PCLO: variants seen among roughly 807,000 people sequenced by gnomAD.
The protein encoded by PCLO is protein piccolo.
Under a neutral mutation model 427.5 loss-of-function variants are expected in PCLO, and 82 were observed. The ratio of observed to expected loss-of-function variants is 0.19; its 90% confidence interval spans 0.16 to 0.23. The LOEUF is 0.23. Among genes scored for constraint, PCLO ranks in the 10% least tolerant of loss-of-function variants. The pLI, the probability that PCLO is intolerant of heterozygous loss-of-function variation, is 1.00. For synonymous variants in PCLO, 2,357 were observed against 2,155.4 expected, an observed-to-expected ratio of 1.09 and a Z score of -2.59; for missense variants, 6,239 against 6,115.9, an observed-to-expected ratio of 1.02 and a Z score of -0.67.
chr7:82,956,174 C>A lies in PCLO; in HGVS notation c.4779G>T (p.Lys1593Asn). ...TGCCTTTTCCCTTTGTTTCTTCCTT[C>A]TTCTGGCTCTCAGTACTGCTACTAA... ...KEISSSTESQKKEETKGKGKI... is the reference protein window; with the variant it reads ...KEISSSTESQNKEETKGKGKI... The change falls in exon 5 of 25, where the codon AAG becomes AAT. Residue 1593 changes from lysine (K) to asparagine (N), a missense_variant. Physicochemically the swap from Lys to Asn is moderately conservative, Grantham distance 94 (BLOSUM62 0). Transcript: ENST00000333891. 6.2e-7 allele frequency: 1 copy of A among 1,609,162 alleles called. No individual in the cohort carries two copies. Among genetic ancestry groups the A allele is most frequent in the Non-Finnish European group, 8.5e-7 (1 of 1,179,850 alleles).
chr7:82,793,930 G>A (rs1414461468), intron 22 of PCLO, among the ~76,000 whole-genome samples: 1 of 152,140 alleles, frequency 6.6e-6, no homozygotes, highest in Non-Finnish European at 1.5e-5. Flanking sequence ...AAAGTAAAAT[G>A]TTTGTACTTA....
At chr7:83,154,681 T>TTTA in intron 2 of PCLO, 67 bp downstream of exon 2, 1 of 1,141,250 alleles carries the variant, frequency 8.8e-7, no homozygotes, top group Non-Finnish European at 1.3e-6. Flanking sequence ...TGTGTTTAGT[T>TTTA]AAGCATCATT....
intron 3 of PCLO, among the ~76,000 whole-genome samples, chr7:83,069,273 C>A (rs545209978): frequency 6.6e-6 from 1 of 152,026 alleles, no homozygotes; most frequent in Non-Finnish European, 1.5e-5. Context: ...GCAGAACTGG[C>A]GTATAATATG....
chr7:82,901,806 A>C (rs145097236), intron 9 of PCLO, among the ~76,000 whole-genome samples: 5,980 of 152,150 alleles, frequency 0.039, 400 homozygotes, highest in African/African-American at 0.14. Context: ...ATTTATGCAG[A>C]CAAAAGACAG....
Position 82,953,282 on chromosome 7 carries a change from A to T in PCLO, c.7671T>A (p.Pro2557=). ...TGGAGTGTGGGGAAAGTGGGGAGGT[A>T]GGGGAAGGCAATTTATAATCTGCTG... The part of the protein sequence containing the change: ...VTSADYKLPS[P]TSPLSPHSNK... Residue 2557 remains proline, a synonymous_variant, in exon 5 of 25, where the codon CCT becomes CCA. Transcript: ENST00000333891. 6.2e-7 allele frequency: 1 copy of T among 1,613,736 alleles called. No homozygotes were observed. Among genetic ancestry groups the T allele is most frequent in the Non-Finnish European group, 8.5e-7 (1 of 1,179,832 alleles).
At chr7:82,998,619 T>C (rs922883744) in intron 3 of PCLO, among the ~76,000 whole-genome samples, 1 of 152,018 alleles carries the variant, frequency 6.6e-6, no homozygotes, top group East Asian at 1.9e-4. Context: ...ACATGAAATT[T>C]ACAGTCCAGA....
At chr7:82,951,769 A>C in intron 5 of PCLO, 87 bp downstream of exon 5, 2 of 1,496,504 alleles carry the variant, frequency 1.3e-6, no homozygotes, top group Middle Eastern at 2.5e-4. Flanking sequence ...ACAAAACTGG[A>C]AAAGAAGCCA....
At chr7:82,796,203 A>C (rs1005980414) in intron 22 of PCLO, among the ~76,000 whole-genome samples, 1 of 152,170 alleles carries the variant, frequency 6.6e-6, no homozygotes, top group African/African-American at 2.4e-5. Flanking sequence ...TTTAAAAAAT[A>C]TTTCAATAAT....
At chr7:83,108,041 T>G (rs1258419958) in intron 3 of PCLO, among the ~76,000 whole-genome samples, 1 of 148,554 alleles carries the variant, frequency 6.7e-6, no homozygotes, top group Admixed American at 6.7e-5. Context: ...AACTCTAAAG[T>G]TTCAAATTAT....
intron 3 of PCLO, among the ~76,000 whole-genome samples, chr7:83,031,730 CT>C (rs1238682737): frequency 4.6e-5 from 7 of 151,498 alleles, no homozygotes; most frequent in East Asian, 1.9e-4. Flanking sequence ...CTCTCTCTCT[CT>C]CTCCCTCCCC....
chr7:82,810,691 CATT>C (rs1467756943), intron 20 of PCLO, among the ~76,000 whole-genome samples: 1 of 151,692 alleles, frequency 6.6e-6, no homozygotes, highest in Non-Finnish European at 1.5e-5. Flanking sequence ...GGTTCAACAT[CATT>C]GTGTTTTATT....
At chr7:82,807,223 G>A (rs1299970725) in intron 20 of PCLO, among the ~76,000 whole-genome samples, 1 of 150,316 alleles carries the variant, frequency 6.7e-6, no homozygotes, top group Non-Finnish European at 1.5e-5. Context: ...GTTTCTTACT[G>A]TCTTTGAGCT....
intron 10 of PCLO, among the ~76,000 whole-genome samples, chr7:82,860,437 C>A (rs142808496): frequency 6.6e-6 from 1 of 151,764 alleles, no homozygotes. Flanking sequence ...AAATCTTTTA[C>A]GTTAGAATAG....
chr7:82,804,887 C>A (rs1313311810), intron 21 of PCLO, among the ~76,000 whole-genome samples: 4 of 152,160 alleles, frequency 2.6e-5, no homozygotes, highest in Non-Finnish European at 2.9e-5. Context: ...TGGCGTAAAC[C>A]CTGGGACCTG....
rs1309549170 is a variant in PCLO at position 83,124,894 on chromosome 7, G to A, written c.3300+9356C>T. On this transcript the variant is annotated intron_variant, in intron 3 of 24. Coordinates refer to ENST00000333891, the MANE Select transcript of PCLO (RefSeq NM_033026.6). Reference sequence around the variant, plus strand: ...CTCAGCCTGCCGAGTGCCTGGGATTGCAGGCGCACGCCGCCACGCCTGACT... The same window carrying A: ...CTCAGCCTGCCGAGTGCCTGGGATTACAGGCGCACGCCGCCACGCCTGACT... 2.0e-5 allele frequency among the ~76,000 whole-genome samples: 3 copies of A among 152,126 alleles called. No individual in the cohort carries two copies. In the South Asian group the frequency reaches 6.2e-4, roughly 31 times the overall value.
At chr7:82,927,711 A>T (rs1254288537) in intron 6 of PCLO, among the ~76,000 whole-genome samples, 1 of 152,146 alleles carries the variant, frequency 6.6e-6, no homozygotes. Flanking sequence ...CTGCTTATTC[A>T]TTCTTGCACT....
chr7:82,904,975 T>G (rs1794150526), intron 8 of PCLO, among the ~76,000 whole-genome samples: 1 of 152,068 alleles, frequency 6.6e-6, no homozygotes, highest in African/African-American at 2.4e-5. Context: ...ATGTATGAAT[T>G]AGATGTACGA....
chr7:83,115,706 T>G (rs984269896), intron 3 of PCLO, among the ~76,000 whole-genome samples: 1 of 152,076 alleles, frequency 6.6e-6, no homozygotes, highest in Admixed American at 6.6e-5. Flanking sequence ...TTGGAGGTTA[T>G]TTTTATCCTT....
chr7:82,997,929 G>C (rs1429699043), intron 3 of PCLO, among the ~76,000 whole-genome samples: 1 of 151,882 alleles, frequency 6.6e-6, no homozygotes, highest in Non-Finnish European at 1.5e-5. Context: ...TCCATGTAAG[G>C]AGCGTGGAAG....
Sources: gnomAD v4.1 joint callset for allele counts (sites outside exome capture counted in the v4.1 genomes callset) on GRCh38, gnomAD v4.1.1 for gene constraint, MANE v1.5 for transcripts, NCBI Gene and HGNC (gene_info 2026-07-23, HGNC 2026-07-21) for gene names.